The following CMYA5 variants were observed in gnomAD, a reference collection of about 807,000 sequenced individuals.
CMYA5 encodes cardiomyopathy-associated protein 5.
Under a neutral mutation model 318.9 loss-of-function variants are expected in CMYA5, and 246 were observed. That is an observed-to-expected ratio of 0.77 (90% CI 0.70 to 0.86). The LOEUF is 0.86. Ranked by LOEUF, CMYA5 falls within the 40% of genes least tolerant of loss-of-function variation. The probability of loss-of-function intolerance (pLI) is 0.00; values close to 1 mark genes in which losing one functional copy is unlikely to be tolerated. For synonymous variants in CMYA5, 1,641 were observed against 1,729.5 expected (o/e 0.95, Z 1.27); for missense variants, 4,589 against 4,678.2 (o/e 0.98, Z 0.56).
chr5:79,735,517 G>A lies in CMYA5; in HGVS notation c.6752G>A (p.Gly2251Asp). The A allele has an allele frequency of 6.2e-7, 1 of 1,613,140 alleles. No homozygotes were observed. The highest frequency in any genetic ancestry group is 8.5e-7 in the Non-Finnish European group (1 of 1,179,646). The change falls in exon 2 of 13, where the codon GGT (glycine) becomes GAT (aspartate). Residue 2251 changes from glycine (G) to aspartate (D), a missense_variant. Physicochemically the swap from Gly to Asp is moderately conservative, Grantham distance 94 (BLOSUM62 -1). This residue lies in a region of CMYA5 where 2,431 missense variants were observed against 2,495.1 expected (regional missense o/e 0.97). Transcript: ENST00000446378. ...VKLKTADEPR[G>D]TLVKSGDGQN... is the part of the protein sequence containing the mutation. ...CTTAAAACTGCTGATGAACCCAGAG[G>A]TACTTTAGTAAAATCTGGTGACGGT...
intron 1 of CMYA5, among the ~76,000 whole-genome samples, chr5:79,723,456 AAAAG>A (rs1288743251): frequency 6.6e-6 from 1 of 150,392 alleles, no homozygotes; most frequent in Non-Finnish European, 1.5e-5. Context: ...AAAAAAAAAA[AAAAG>A]AAAAGAAAAG....
rs774598145 is a variant in CMYA5, at chr5:79,737,548, C to T, written c.8783C>T (p.Thr2928Ile). The part of the protein sequence containing the change: ...EDTYAKGEDF[T>I]VTSKPAGLSE... ...ACATATGCAAAAGGTGAAGACTTTA[C>T]AGTGACTAGTAAGCCAGCCGGACTT... The change falls in exon 2 of 13, where the codon ACA (threonine) becomes ATA (isoleucine). Residue 2928 changes from threonine to isoleucine, a missense_variant. By Grantham distance (89) the Thr-to-Ile change is moderately conservative. Transcript: ENST00000446378. 2 of 1,613,662 alleles carry T rather than the reference C, an allele frequency of 1.2e-6. No individual in the cohort carries two copies. Among genetic ancestry groups the T allele is most frequent in the South Asian group, 1.1e-5 (1 of 91,030 alleles).
intron 1 of CMYA5, among the ~76,000 whole-genome samples, chr5:79,708,930 AG>A (rs1827326618): frequency 6.6e-6 from 1 of 152,202 alleles, no homozygotes. Flanking sequence ...TGACAGAGCA[AG>A]ACCCTGTCTC....
chr5:79,794,110 A>T (rs1225126224), intron 12 of CMYA5, among the ~76,000 whole-genome samples: 1 of 152,190 alleles, frequency 6.6e-6, no homozygotes, highest in Admixed American at 6.5e-5. Context: ...GAAGAAGTGG[A>T]TCTCCAACAC....
chr5:79,725,819 A>T lies in CMYA5; in HGVS notation c.150-3096A>T, dbSNP rs904683347. ...CTTCCGAGGCTGAGGCAGGGGAATC[A>T]CTTAAACCCAGGAGGCAGAGGTTGC... On this transcript the variant is annotated intron_variant, in intron 1 of 12. Coordinates refer to ENST00000446378, the MANE Select transcript of CMYA5 (RefSeq NM_153610.5). 2.0e-5 allele frequency among the ~76,000 whole-genome samples: 3 copies of T among 152,160 alleles called. No homozygotes were observed. The East Asian group carries it at 5.8e-4, about 29-fold the overall frequency.
chr5:79,734,688 T>G lies in CMYA5; in HGVS notation c.5923T>G (p.Leu1975Val). ...TACTTCCAGTGGTAATACAGAGACCTTATCAAGTAAAAGTTACTCTTCTGA... is the reference window on the plus strand; with the variant it reads ...TACTTCCAGTGGTAATACAGAGACCGTATCAAGTAAAAGTTACTCTTCTGA... The part of the protein sequence containing the change: ...LDTSSGNTET[L>V]SSKSYSSEEV... The change falls in exon 2 of 13, where the codon TTA becomes GTA. Residue 1975 changes from leucine (L) to valine (V), a missense_variant. This residue lies in a region of CMYA5 where 2,431 missense variants were observed against 2,495.1 expected (regional missense o/e 0.97). Transcript: ENST00000446378. 1 of 1,613,864 alleles carries G rather than the reference T, an allele frequency of 6.2e-7. No individual in the cohort carries two copies. The highest frequency in any genetic ancestry group is 8.5e-7 in the Non-Finnish European group (1 of 1,179,820).
At chr5:79,799,151 T>G (rs1270834431) in intron 12 of CMYA5, among the ~76,000 whole-genome samples, 1 of 152,180 alleles carries the variant, frequency 6.6e-6, no homozygotes, top group Non-Finnish European at 1.5e-5. Context: ...CCTCCTAATG[T>G]AGGAGGAGCA....
In CMYA5 at chr5:79,730,460, A is replaced by G; in HGVS notation, c.1695A>G (p.Pro565=). Residue 565 remains proline, a synonymous_variant, in exon 2 of 13, where the codon CCA becomes CCG. Transcript: ENST00000446378. ...ACAAAGAAGAAGAGCTTATTCTACC[A>G]TTATTGGCAGCATCATCTCCTGAAC... ...VEHKEEELIL[P]LLAASSPEHV... is the part of the protein sequence containing the mutation. The G allele has an allele frequency of 6.2e-7, 1 of 1,613,916 alleles. No individual in the cohort carries two copies. Among genetic ancestry groups the G allele is most frequent in the East Asian group, 2.2e-5 (1 of 44,882 alleles).
rs375092649 is a variant in CMYA5 at position 79,735,394 on chromosome 5, T to C, written c.6629T>C (p.Val2210Ala). The C allele has an allele frequency of 9.3e-6, 15 of 1,613,698 alleles. No homozygotes were observed. The African/African-American group carries it at 2.0e-4, about 22-fold the overall frequency. The change falls in exon 2 of 13, where the codon GTA (valine) becomes GCA (alanine). Residue 2210 changes from valine (V) to alanine (A), a missense_variant. Physicochemically the swap from Val to Ala is moderately conservative, Grantham distance 64 (BLOSUM62 0). Around this residue, in one of 3 missense-constraint regions of CMYA5, gnomAD observed 2,431 missense variants for 2,495.1 expected, o/e 0.97. Coordinates refer to ENST00000446378, the MANE Select transcript of CMYA5 (RefSeq NM_153610.5). ...TTAGAAACACAGCCAAGTCCATCCG[T>C]AGAAAAAGCAGTGACTGTGATAGAT... ...EDLETQPSPS[V>A]EKAVTVIDPE...
At chr5:79,788,828 C>T (rs1440363506) in intron 9 of CMYA5, 143 bp from the exon 10 acceptor site, 1 of 747,662 alleles carries the variant, frequency 1.3e-6, no homozygotes, top group East Asian at 2.8e-5. Flanking sequence ...TAGGACCTGG[C>T]TTGCTAATCC....
chr5:79,714,458 G>A (rs866737194), intron 1 of CMYA5, among the ~76,000 whole-genome samples: 1 of 58,474 alleles, frequency 1.7e-5, no homozygotes, highest in African/African-American at 1.0e-4. Context: ...TTTTGAGATG[G>A]GGTCTCGCTT....
Position 79,799,866 on chromosome 5 carries a change from A to C in CMYA5, c.*250A>C. ...TTTATATAAGTTTGAGTTCTTTCCT[A>C]AATTAAAAGATCTACACTTGAGTTG... On this transcript the variant is annotated 3_prime_UTR_variant, in exon 13 of 13. Transcript: ENST00000446378. 2 of 171,374 alleles carry C rather than the reference A, an allele frequency of 1.2e-5. No homozygotes were observed. Among genetic ancestry groups the C allele is most frequent in the Non-Finnish European group, 1.1e-5 (1 of 88,816 alleles). 10.6% of individuals were successfully genotyped at this position (171,374 alleles called of 1,614,324 possible).
At chr5:79,691,830 T>C (rs1826975721) in intron 1 of CMYA5, among the ~76,000 whole-genome samples, 1 of 152,234 alleles carries the variant, frequency 6.6e-6, no homozygotes, top group African/African-American at 2.4e-5. Context: ...AGCTTAATTT[T>C]ACACATTTTA....
At position 79,799,664 on chromosome 5, in the gene CMYA5, G is replaced by A. The variant is rs80053562; in HGVS notation, c.*48G>A. The A allele has an allele frequency of 1.9e-3, 3,008 of 1,566,756 alleles. 88 individuals carry two copies. In the East Asian group the frequency reaches 0.055, roughly 28 times the overall value. On this transcript the variant is annotated 3_prime_UTR_variant, in exon 13 of 13. Transcript: ENST00000446378. Reference sequence around the variant, plus strand: ...AGAACAGCGATTTGAATTTTGGGGGGGTCTGCTGTTCATTCCTTTAGGTGC... The same window carrying A: ...AGAACAGCGATTTGAATTTTGGGGGAGTCTGCTGTTCATTCCTTTAGGTGC...
intron 6 of CMYA5, among the ~76,000 whole-genome samples, chr5:79,757,699 A>G (rs1828557890): frequency 2.0e-5 from 3 of 152,230 alleles, no homozygotes; most frequent in Admixed American, 2.0e-4. Flanking sequence ...ATACAGAATG[A>G]TACAACCTTG....
intron 1 of CMYA5, among the ~76,000 whole-genome samples, chr5:79,690,839 G>A (rs781414031): frequency 6.6e-6 from 1 of 152,158 alleles, no homozygotes; most frequent in Non-Finnish European, 1.5e-5. Flanking sequence ...CATAACAGTA[G>A]AAAGGCTTTG....
chr5:79,757,063 T>C (rs556763755), intron 6 of CMYA5, among the ~76,000 whole-genome samples: 34 of 151,684 alleles, frequency 2.2e-4, no homozygotes, highest in Non-Finnish European at 4.4e-4. Flanking sequence ...GGCGTGGTAG[T>C]GGGCGCCTGT....
Position 79,729,640 on chromosome 5 carries a change from T to G in CMYA5, c.875T>G (p.Ile292Arg). 6.2e-7 allele frequency: 1 copy of G among 1,613,838 alleles called. No homozygotes were observed. Among genetic ancestry groups the G allele is most frequent in the Non-Finnish European group, 8.5e-7 (1 of 1,179,838 alleles). ...ACACGCAAATTAGTAGCCCAAAGCA[T>G]AGAGGATAAAGTAAAAGAGGTTTTT... ...SKTRKLVAQS[I>R]EDKVKEVFPP... The change falls in exon 2 of 13, where the codon ATA (isoleucine) becomes AGA (arginine). Residue 292 changes from isoleucine to arginine, a missense_variant. Ile to Arg is a moderately conservative substitution (Grantham distance 97, BLOSUM62 -3). Around this residue, in one of 3 missense-constraint regions of CMYA5, gnomAD observed 2,132 missense variants for 2,131.3 expected, o/e 1.00. Transcript: ENST00000446378.
chr5:79,705,010 C>T (rs189503674), intron 1 of CMYA5, among the ~76,000 whole-genome samples: 3 of 152,288 alleles, frequency 2.0e-5, no homozygotes, highest in Admixed American at 6.5e-5. Context: ...CAGTGGCTCA[C>T]GCCTGTAATC....
Sources: gnomAD v4.1 joint callset for allele counts (sites outside exome capture counted in the v4.1 genomes callset) on GRCh38, gnomAD v4.1.1 for gene constraint, gnomAD v4.1.1 regional missense constraint, MANE v1.5 for transcripts, NCBI Gene and HGNC (gene_info 2026-07-23, HGNC 2026-07-21) for gene names.